PIP5K1B: variants seen among roughly 807,000 people sequenced by gnomAD.
PIP5K1B encodes phosphatidylinositol 4-phosphate 5-kinase type-1 beta.
Under a neutral mutation model 67.0 loss-of-function variants are expected in PIP5K1B, and 42 were observed. That is an observed-to-expected ratio of 0.63 (90% confidence interval 0.49 to 0.81). PIP5K1B has a LOEUF of 0.81. Ranked by LOEUF, PIP5K1B falls within the 30% of genes least tolerant of loss-of-function variation. The pLI, the probability that PIP5K1B is intolerant of heterozygous loss-of-function variation, is 0.00. For synonymous variants in PIP5K1B, 214 were observed against 231.4 expected, an observed-to-expected ratio of 0.92 and a Z score of 0.68; for missense variants, 459 against 646.3, an observed-to-expected ratio of 0.71 and a Z score of 3.14.
intron 14 of PIP5K1B, among the ~76,000 whole-genome samples, chr9:68,962,770 T>C (rs1000414984): frequency 6.6e-6 from 1 of 152,218 alleles, no homozygotes; most frequent in Non-Finnish European, 1.5e-5. Context: ...ATTTCATATT[T>C]CTTAAAGGTT....
At chr9:68,742,227 G>A (rs7048356) in intron 1 of PIP5K1B, 145,290 of 152,250 alleles carry the variant, frequency 0.95, 69,404 homozygotes, top group African/African-American at 0.97. Context: ...CTAAAGTTCT[G>A]TGATTTGTAG....
At chr9:68,922,683 C>T (rs1373675106) in intron 11 of PIP5K1B, among the ~76,000 whole-genome samples, 1 of 152,134 alleles carries the variant, frequency 6.6e-6, no homozygotes, top group Non-Finnish European at 1.5e-5. Flanking sequence ...CCTAAAGACT[C>T]CTGCCAAGCA....
chr9:68,724,267 A>T (rs1452802857), intron 1 of PIP5K1B, among the ~76,000 whole-genome samples: 2 of 149,500 alleles, frequency 1.3e-5, no homozygotes, highest in Non-Finnish European at 3.0e-5. Flanking sequence ...TGTTTTAGCC[A>T]GTACCATGCT....
chr9:68,991,116 C>T (rs746366804), intron 14 of PIP5K1B, 24 bp from the exon 15 acceptor site: 1 of 1,328,602 alleles, frequency 7.5e-7, no homozygotes. Context: ...GCCTCATGCC[C>T]ATCATTCATC....
chr9:69,003,080 G>C (rs545417560), intron 15 of PIP5K1B, among the ~76,000 whole-genome samples: 1 of 152,064 alleles, frequency 6.6e-6, no homozygotes, highest in Non-Finnish European at 1.5e-5. Flanking sequence ...ATGATGTTGG[G>C]GTGAGATATC....
At chr9:68,862,431 G>A (rs745323513) in intron 4 of PIP5K1B, among the ~76,000 whole-genome samples, 35 of 152,120 alleles carry the variant, frequency 2.3e-4, no homozygotes, top group Non-Finnish European at 3.4e-4. Context: ...CCGAATTCAG[G>A]GGACACTGCA....
chr9:69,000,544 A>AG (rs1396166558), intron 15 of PIP5K1B, among the ~76,000 whole-genome samples: 1 of 152,150 alleles, frequency 6.6e-6, no homozygotes, highest in African/African-American at 2.4e-5. Flanking sequence ...GAGGGCTGTG[A>AG]GGCAAGGATC....
intron 15 of PIP5K1B, among the ~76,000 whole-genome samples, chr9:69,005,162 C>T (rs117141387): frequency 1.3e-5 from 2 of 151,608 alleles, no homozygotes; most frequent in African/African-American, 2.4e-5. Context: ...ATGCAAAGGA[C>T]ATTTTATGAC....
chr9:68,874,937 A>C (rs1307987317), intron 5 of PIP5K1B, among the ~76,000 whole-genome samples: 1 of 152,192 alleles, frequency 6.6e-6, no homozygotes, highest in Non-Finnish European at 1.5e-5. Context: ...TATGATCTAC[A>C]TTTATATTAA....
chr9:68,905,405 C>A (rs983560550), intron 8 of PIP5K1B, among the ~76,000 whole-genome samples: 32 of 151,910 alleles, frequency 2.1e-4, no homozygotes, highest in African/African-American at 7.5e-4. Context: ...TGATGCAAAA[C>A]AGGGCAGAGT....
In PIP5K1B at chr9:68,943,025, G is replaced by A. The variant is rs17059372; in HGVS notation, c.1502+2235G>A. ...TGTAGCAGGACCCACAGTCAAGTTG[G>A]TGCCTGCCAATGAGATGCAACCCAG... On this transcript the variant is annotated intron_variant, in intron 14 of 15. Transcript: ENST00000265382. 5.8e-3 allele frequency among the ~76,000 whole-genome samples: 890 copies of A among 152,266 alleles called. 7 individuals are homozygous for A. The highest frequency in any genetic ancestry group is 0.02 in the African/African-American group (848 of 41,540).
At chr9:68,706,618 T>C (rs1205532298) in intron 1 of PIP5K1B, among the ~76,000 whole-genome samples, 1 of 152,178 alleles carries the variant, frequency 6.6e-6, no homozygotes, top group Non-Finnish European at 1.5e-5. Context: ...GATGCTTTTT[T>C]AAAGGGAGCG....
chr9:68,721,659 T>C (rs1827889525), intron 1 of PIP5K1B, among the ~76,000 whole-genome samples: 1 of 152,116 alleles, frequency 6.6e-6, no homozygotes, highest in South Asian at 2.1e-4. Context: ...TCATATCATC[T>C]GGGCTGTGGG....
chr9:68,892,833 G>A (rs1824866280), intron 7 of PIP5K1B, among the ~76,000 whole-genome samples: 1 of 152,162 alleles, frequency 6.6e-6, no homozygotes, highest in African/African-American at 2.4e-5. Context: ...CACTTTGGGA[G>A]GCCAAGGCAG....
chr9:68,900,302 C>T (rs1825297881), intron 8 of PIP5K1B, among the ~76,000 whole-genome samples: 1 of 152,332 alleles, frequency 6.6e-6, no homozygotes, highest in South Asian at 2.1e-4. Flanking sequence ...AAGGGCAAAG[C>T]TCATTCTTTA....
At position 68,943,660 on chromosome 9, in the gene PIP5K1B, G is replaced by GA. The variant is rs1048327699; in HGVS notation, c.1502+2880dup. Among the ~76,000 whole-genome samples the GA allele has an allele frequency of 1.0e-3, 146 of 144,934 alleles. 1 individual carries two copies. Among genetic ancestry groups the GA allele is most frequent in the African/African-American group, 2.8e-3 (112 of 39,416 alleles). ...GCCTGGAAAGAAAATGCATTGAAAA[G>GA]AAAAAAAAAAGAAAGAAAAAGAAAA... On this transcript the variant is annotated intron_variant, in intron 14 of 15. Coordinates refer to ENST00000265382, the MANE Select transcript of PIP5K1B (RefSeq NM_003558.4).
intron 1 of PIP5K1B, chr9:68,739,763 G>A (rs41304220): frequency 6.6e-5 from 10 of 152,334 alleles, no homozygotes; most frequent in Non-Finnish European, 1.2e-4. Flanking sequence ...GCCTATGCAT[G>A]CTTGAGGCTT....
At chr9:68,788,836 A>G (rs891337360) in intron 2 of PIP5K1B, 3 of 239,356 alleles carry the variant, frequency 1.3e-5, no homozygotes, top group Non-Finnish European at 2.6e-5. Flanking sequence ...CTGATATTAT[A>G]TTTGACATAC....
intron 2 of PIP5K1B, chr9:68,783,657 G>A (rs3184170): frequency 5.4e-5 from 9 of 166,860 alleles, no homozygotes; most frequent in Admixed American, 2.6e-4. Flanking sequence ...CATTCCTCAA[G>A]TCTTACTGAT....
Sources: gnomAD v4.1 joint callset for allele counts (sites outside exome capture counted in the v4.1 genomes callset) on GRCh38, gnomAD v4.1.1 for gene constraint, MANE v1.5 for transcripts, NCBI Gene and HGNC (gene_info 2026-07-23, HGNC 2026-07-21) for gene names.